The following IARS2 variants were observed in gnomAD, a reference collection of about 807,000 sequenced individuals.
IARS2 encodes isoleucyl-tRNA synthetase 2, mitochondrial.
In IARS2, 56 loss-of-function variants were observed where a neutral mutation model predicts 126.3. That is an observed-to-expected ratio of 0.44 (90% CI 0.36 to 0.55). IARS2 has a LOEUF of 0.55. Among genes scored for constraint, IARS2 ranks in the 20% least tolerant of loss-of-function variants. The pLI, the probability that IARS2 is intolerant of heterozygous loss-of-function variation, is 0.00. For synonymous variants in IARS2, 407 were observed against 441.1 expected (o/e 0.92, Z 0.97); for missense variants, 1,127 against 1,245.9 (o/e 0.90, Z 1.44).
chr1:220,145,753 AT>A, intron 22 of IARS2, 100 bp downstream of exon 22: 1 of 936,962 alleles, frequency 1.1e-6, no homozygotes, highest in Non-Finnish European at 1.5e-6. Flanking sequence ...AAAGGTAGAT[AT>A]ATACTTGGAA....
At chr1:220,144,209 C>G in intron 21 of IARS2, 1 of 775,976 alleles carries the variant, frequency 1.3e-6, no homozygotes, top group Admixed American at 1.7e-5. Flanking sequence ...TCAAATTTGC[C>G]AATGTAACCA....
At chr1:220,134,635 T>TA (rs1657335645) in intron 15 of IARS2, 125 bp downstream of exon 15, 2 of 490,986 alleles carry the variant, frequency 4.1e-6, no homozygotes, top group Admixed American at 4.1e-5. Flanking sequence ...GAATTTGAAG[T>TA]AAAAAAAGAG....
At chr1:220,138,176 A>G (rs1397673955) in intron 17 of IARS2, 133 bp downstream of exon 17, 11 of 1,061,122 alleles carry the variant, frequency 1.0e-5, no homozygotes, top group Non-Finnish European at 1.4e-5. Context: ...TGAGATTTTA[A>G]GAATCTCCTG....
At position 220,125,317 on chromosome 1, in the gene IARS2, T is replaced by G. The variant is rs758622583; in HGVS notation, c.1721T>G (p.Leu574Arg). Reference sequence around the variant, plus strand: ...TGGACTCTTCCCCCTGAACAACTTCTTCCAAAAGAAGTCTTATCTGAGGTA... The same window carrying G: ...TGGACTCTTCCCCCTGAACAACTTCGTCCAAAAGAAGTCTTATCTGAGGTA... ...IWWTLPPEQL[L>R]PKEVLSEVGG... The change falls in exon 13 of 23, where the codon CTT (leucine) becomes CGT (arginine). Residue 574 changes from leucine (L) to arginine (R), a missense_variant. Transcript: ENST00000366922. 1 of 1,612,704 alleles carries G rather than the reference T, an allele frequency of 6.2e-7. No individual in the cohort carries two copies. The highest frequency in any genetic ancestry group is 8.5e-7 in the Non-Finnish European group (1 of 1,178,736).
rs11118497 is a variant in IARS2, at chr1:220,140,932, C to T, written c.2414+643C>T. Among the ~76,000 whole-genome samples the T allele has an allele frequency of 1.5e-3, 208 of 142,282 alleles. 1 individual carries two copies. The highest frequency in any genetic ancestry group is 4.4e-3 in the African/African-American group (168 of 37,904). 93.3% of individuals were successfully genotyped at this position (142,282 alleles called of 152,430 possible). ...CCGGGAGGCAGAGCTTGCAGTGAGC[C>T]GAGATCGTGACACTGCACTTCAGCC... On this transcript the variant is annotated intron_variant, in intron 19 of 22. Transcript: ENST00000366922.
chr1:220,095,276 T>G (rs1389862151), intron 1 of IARS2, among the ~76,000 whole-genome samples: 1 of 152,146 alleles, frequency 6.6e-6, no homozygotes, highest in East Asian at 1.9e-4. Context: ...TGACCTCAAG[T>G]GATCTTCCCG....
intron 12 of IARS2, among the ~76,000 whole-genome samples, chr1:220,119,317 G>A (rs1275631233): frequency 6.6e-6 from 1 of 152,022 alleles, no homozygotes; most frequent in South Asian, 2.1e-4. Flanking sequence ...ATTGCTTTAT[G>A]AAGTAAAGCA....
At chr1:220,097,365 C>CTTTT in intron 2 of IARS2, among the ~76,000 whole-genome samples, 1 of 134,512 alleles carries the variant, frequency 7.4e-6, no homozygotes, top group Non-Finnish European at 1.6e-5. Context: ...GTTCTTTTTT[C>CTTTT]TTTTTTTTTT....
In IARS2 at chr1:220,126,785, T is replaced by G; in HGVS notation, c.1779T>G (p.Gly593=). The change falls in exon 14 of 23, where the codon GGT becomes GGG. Residue 593 remains glycine (G), a synonymous_variant. Coordinates refer to ENST00000366922, the MANE Select transcript of IARS2 (RefSeq NM_018060.4). ...GGPDALEYVP[G]QDILDIWFDS... Reference sequence around the variant, plus strand: ...CTGATGCCTTGGAATATGTGCCAGGTCAGGATATTTTGGACATCTGGTTTG... The same window carrying G: ...CTGATGCCTTGGAATATGTGCCAGGGCAGGATATTTTGGACATCTGGTTTG... The G allele has an allele frequency of 1.9e-6, 3 of 1,613,432 alleles. No individual in the cohort carries two copies. The highest frequency in any genetic ancestry group is 2.5e-6 in the Non-Finnish European group (3 of 1,179,896).
At chr1:220,118,339 C>A in intron 12 of IARS2, 1 of 272,968 alleles carries the variant, frequency 3.7e-6, no homozygotes. Context: ...TATTCATGTT[C>A]TAAATAAGTT....
At chr1:220,101,285 G>T (rs1182603817) in intron 3 of IARS2, among the ~76,000 whole-genome samples, 1 of 152,294 alleles carries the variant, frequency 6.6e-6, no homozygotes, top group East Asian at 1.9e-4. Context: ...ATTGTATAAA[G>T]TCTGGAAAAT....
intron 14 of IARS2, among the ~76,000 whole-genome samples, chr1:220,130,512 C>A (rs1489501661): frequency 1.3e-5 from 2 of 152,124 alleles, no homozygotes; most frequent in Non-Finnish European, 2.9e-5. Flanking sequence ...ATTTAAGTCT[C>A]TCTTTTGAGT....
rs749306919 is a variant in IARS2, at chr1:220,147,511, A to C, written c.2915A>C (p.Glu972Ala). 9 of 1,614,156 alleles carry C rather than the reference A, an allele frequency of 5.6e-6. No individual in the cohort carries two copies. Among genetic ancestry groups the C allele is most frequent in the Admixed American group, 1.7e-5 (1 of 60,034 alleles). ...TTTATAGGTGGTGATATTCGTGAAG[A>C]GTCTTCCTATAAAGTAATTGTCATG... ...INLEGGDIREESSYKVIVMPT... is the reference protein window; with the variant it reads ...INLEGGDIREASSYKVIVMPT... Residue 972 changes from glutamate (E) to alanine (A), a missense_variant, in exon 23 of 23, where the codon GAG becomes GCG. By Grantham distance (107) the Glu-to-Ala change is moderately radical. Transcript: ENST00000366922.
chr1:220,144,229 A>T, intron 21 of IARS2: 2 of 769,770 alleles, frequency 2.6e-6, no homozygotes, highest in Non-Finnish European at 4.7e-6. Context: ...ATGCTTCATC[A>T]TCACGGTGAG....
chr1:220,132,424 T>G (rs1406377632), intron 14 of IARS2, among the ~76,000 whole-genome samples: 1 of 152,170 alleles, frequency 6.6e-6, no homozygotes, highest in African/African-American at 2.4e-5. Context: ...GTTTATCCAT[T>G]TCCTCCAGGT....
intron 12 of IARS2, among the ~76,000 whole-genome samples, chr1:220,117,529 A>C (rs559007784): frequency 1.1e-4 from 16 of 152,086 alleles, no homozygotes; most frequent in African/African-American, 3.6e-4. Flanking sequence ...AGAGAGCAAG[A>C]TGTCTAGGGA....
In IARS2 at chr1:220,134,388, TA is replaced by T; in HGVS notation, c.1838-13del. ...ATTTCTGGGTTTTTTTTTCTTTTAA[TA>T]CTTAATTTTGAGGTCCTGACCAAAG... On this transcript the variant is annotated splice_polypyrimidine_tract_variant and intron_variant, in intron 14 of 22. Coordinates refer to ENST00000366922, the MANE Select transcript of IARS2 (RefSeq NM_018060.4). 6.5e-7 allele frequency: 1 copy of T among 1,541,256 alleles called. No individual in the cohort carries two copies. Among genetic ancestry groups the T allele is most frequent in the South Asian group, 1.2e-5 (1 of 81,370 alleles).
intron 11 of IARS2, among the ~76,000 whole-genome samples, chr1:220,111,528 T>G (rs1656799602): frequency 6.6e-6 from 1 of 151,378 alleles, no homozygotes; most frequent in South Asian, 2.1e-4. Flanking sequence ...ATTTAAATAC[T>G]TAATATATAT....
intron 3 of IARS2, 129 bp from the exon 4 acceptor site, chr1:220,102,000 C>A (rs1656584025): frequency 1.2e-6 from 1 of 804,556 alleles, no homozygotes; most frequent in Non-Finnish European, 2.0e-6. Context: ...GACAGCGAGA[C>A]TGTGTCTCAA....
Sources: allele counts gnomAD v4.1 joint callset (sites outside exome capture counted in the v4.1 genomes callset), GRCh38; gene constraint gnomAD v4.1.1; transcripts MANE v1.5; gene names NCBI Gene and HGNC (gene_info 2026-07-23, HGNC 2026-07-21).